Variants in PPP2R5A observed in about 807,000 individuals in gnomAD.
The protein encoded by PPP2R5A is protein phosphatase 2 regulatory subunit B'alpha, also known as serine/threonine-protein phosphatase 2A 56 kDa regulatory subunit alpha isoform.
A neutral mutation model predicts 64.2 loss-of-function variants in PPP2R5A; 25 were observed. That is an observed-to-expected ratio of 0.39 (90% CI 0.28 to 0.54). The LOEUF (loss-of-function observed/expected upper bound fraction) is 0.54. PPP2R5A is among the 20% of genes least tolerant of loss of function. The pLI, the probability that PPP2R5A is intolerant of heterozygous loss-of-function variation, is 0.67. For synonymous variants in PPP2R5A, 198 were observed against 201.2 expected (o/e 0.98, Z 0.13); for missense variants, 425 against 576.3 (o/e 0.74, Z 2.69).
intron 1 of PPP2R5A, among the ~76,000 whole-genome samples, chr1:212,290,894 G>A (rs894981750): frequency 3.3e-5 from 5 of 152,098 alleles, no homozygotes; most frequent in African/African-American, 1.2e-4. Flanking sequence ...TTTTTCTCTT[G>A]ATAAAATAAC....
chr1:212,345,656 A>T, intron 4 of PPP2R5A, 147 bp from the exon 5 acceptor site: 1 of 612,786 alleles, frequency 1.6e-6, no homozygotes, highest in South Asian at 3.1e-5. Flanking sequence ...CCTCACCTTC[A>T]TTACTTAGCA....
At chr1:212,305,621 T>C (rs1658884849) in intron 1 of PPP2R5A, among the ~76,000 whole-genome samples, 1 of 152,148 alleles carries the variant, frequency 6.6e-6, no homozygotes, top group South Asian at 2.1e-4. Context: ...AATTGTTCTA[T>C]CCATTATTGA....
At chr1:212,289,052 AAAG>A (rs1658555181) in intron 1 of PPP2R5A, among the ~76,000 whole-genome samples, 1 of 152,234 alleles carries the variant, frequency 6.6e-6, no homozygotes, top group Non-Finnish European at 1.5e-5. Flanking sequence ...TTTATAATTG[AAAG>A]TATTTAATAA....
intron 1 of PPP2R5A, among the ~76,000 whole-genome samples, chr1:212,303,805 G>T (rs1658843631): frequency 6.6e-6 from 1 of 151,902 alleles, no homozygotes. Flanking sequence ...TTCTTTCCCC[G>T]TTAGATGGTC....
Position 212,357,046 on chromosome 1 carries a change from T to A in PPP2R5A, c.1075T>A (p.Cys359Ser). The change falls in exon 10 of 13, where the codon TGT becomes AGT. Residue 359 changes from cysteine to serine, a missense_variant. Cys to Ser is a moderately radical substitution (Grantham distance 112, BLOSUM62 -1). This residue lies in a region of PPP2R5A where 177 missense variants were observed against 244.8 expected (regional missense o/e 0.72). Transcript: ENST00000261461. ...GCCACTTTTCAAGCAGATATCCAAGTGTGTATCCAGTTCTCATTTTCAGGT... is the reference window on the plus strand; with the variant it reads ...GCCACTTTTCAAGCAGATATCCAAGAGTGTATCCAGTTCTCATTTTCAGGT... ...EEPLFKQISK[C>S]VSSSHFQVAE... 6.2e-7 allele frequency: 1 copy of A among 1,611,014 alleles called. No individual in the cohort carries two copies. The highest frequency in any genetic ancestry group is 8.5e-7 in the Non-Finnish European group (1 of 1,178,900).
At chr1:212,313,036 T>C (rs912685905) in intron 1 of PPP2R5A, among the ~76,000 whole-genome samples, 2 of 152,226 alleles carry the variant, frequency 1.3e-5, no homozygotes, top group Admixed American at 1.3e-4. Flanking sequence ...AGTACTTTCC[T>C]ATGCAAATCC....
intron 1 of PPP2R5A, among the ~76,000 whole-genome samples, chr1:212,303,856 G>A (rs1034675061): frequency 1.3e-5 from 2 of 151,962 alleles, no homozygotes; most frequent in African/African-American, 4.8e-5. Flanking sequence ...TTTTATTTCT[G>A]GATTCTCAAT....
intron 3 of PPP2R5A, among the ~76,000 whole-genome samples, chr1:212,339,404 C>T (rs1038317344): frequency 2.6e-5 from 4 of 151,966 alleles, no homozygotes; most frequent in African/African-American, 7.3e-5. Context: ...CTGGAACTCC[C>T]GACCTCAGGT....
chr1:212,304,939 G>A (rs1388604392), intron 1 of PPP2R5A, among the ~76,000 whole-genome samples: 1 of 151,544 alleles, frequency 6.6e-6, no homozygotes, highest in Non-Finnish European at 1.5e-5. Flanking sequence ...CACCATGTTG[G>A]CCAGGATGGT....
At chr1:212,319,152 G>T (rs1219391635) in intron 1 of PPP2R5A, among the ~76,000 whole-genome samples, 1 of 152,092 alleles carries the variant, frequency 6.6e-6, no homozygotes, top group Non-Finnish European at 1.5e-5. Flanking sequence ...ACAAAAACTT[G>T]GACCTCTTGT....
chr1:212,288,716 T>C (rs928937248), intron 1 of PPP2R5A, among the ~76,000 whole-genome samples: 9 of 152,220 alleles, frequency 5.9e-5, no homozygotes, highest in Non-Finnish European at 1.3e-4. Context: ...TGGTAGTTTT[T>C]TCCATTTGTG....
At chr1:212,322,110 G>GAGGTTGC (rs1659310661) in intron 1 of PPP2R5A, among the ~76,000 whole-genome samples, 1 of 151,442 alleles carries the variant, frequency 6.6e-6, no homozygotes, top group Admixed American at 6.6e-5. Context: ...ATCAGGCAGG[G>GAGGTTGC]AGGTTGCAGT....
rs1349157879 is a variant in PPP2R5A, at chr1:212,332,061, A to G, written c.379-1436A>G. On this transcript the variant is annotated intron_variant, in intron 2 of 12. Coordinates refer to ENST00000261461, the MANE Select transcript of PPP2R5A (RefSeq NM_006243.4). ...AAGTATGATCTCAAGGACAAATTCT[A>G]CGCTCTTGTGAGATAGATTTCTTTT... Among the ~76,000 whole-genome samples, 3 of 152,200 alleles carry G rather than the reference A, an allele frequency of 2.0e-5. No homozygotes were observed. The East Asian group carries it at 5.8e-4, about 29-fold the overall frequency.
At chr1:212,319,048 T>G (rs1418204085) in intron 1 of PPP2R5A, among the ~76,000 whole-genome samples, 1 of 152,202 alleles carries the variant, frequency 6.6e-6, no homozygotes, top group Admixed American at 6.5e-5. Context: ...CATCTCTTAT[T>G]TACTCATTTA....
intron 1 of PPP2R5A, among the ~76,000 whole-genome samples, chr1:212,319,736 TCA>T (rs1412550866): frequency 6.6e-6 from 1 of 151,046 alleles, no homozygotes; most frequent in Non-Finnish European, 1.5e-5. Flanking sequence ...TTCTCCTGTC[TCA>T]GTCTCCCGAG....
At position 212,360,890 on chromosome 1, in the gene PPP2R5A, A is replaced by C. The variant is rs1188793672; in HGVS notation, c.*120A>C. On this transcript the variant is annotated 3_prime_UTR_variant, in exon 13 of 13. Transcript: ENST00000261461. ...AATTAAAAGGCCAATTTTTTCTGGC[A>C]ACTGTAAATGGAAAAATATATGGAC... is the stretch of plus-strand genomic sequence containing the variant. 1.8e-5 allele frequency: 18 copies of C among 980,384 alleles called. No homozygotes were observed. In the East Asian group the frequency reaches 2.1e-4, roughly 11 times the overall value. 60.7% of individuals were successfully genotyped at this position (980,384 alleles called of 1,614,324 possible).
At chr1:212,317,120 C>T (rs1659168408) in intron 1 of PPP2R5A, among the ~76,000 whole-genome samples, 1 of 152,120 alleles carries the variant, frequency 6.6e-6, no homozygotes, top group Non-Finnish European at 1.5e-5. Flanking sequence ...ACTTGACTTC[C>T]TCTTAGTTTT....
intron 12 of PPP2R5A, among the ~76,000 whole-genome samples, chr1:212,359,196 C>T (rs1363683667): frequency 1.3e-5 from 2 of 151,944 alleles, no homozygotes; most frequent in African/African-American, 2.4e-5. Context: ...ATTTTTTATC[C>T]ATGCATTTAC....
chr1:212,348,770 C>T (rs2102444825), intron 7 of PPP2R5A, among the ~76,000 whole-genome samples: 1 of 152,246 alleles, frequency 6.6e-6, no homozygotes, highest in East Asian at 1.9e-4. Flanking sequence ...TTGAATAAAT[C>T]CCACATATCT....
Sources: allele counts gnomAD v4.1 joint callset (sites outside exome capture counted in the v4.1 genomes callset), GRCh38; gene constraint gnomAD v4.1.1; regional missense constraint gnomAD v4.1.1; transcripts MANE v1.5; gene names NCBI Gene and HGNC (gene_info 2026-07-23, HGNC 2026-07-21).